The following UBXN6 variants were observed in gnomAD, a reference collection of about 807,000 sequenced individuals.
The protein encoded by UBXN6 is UBX domain-containing protein 6.
UBXN6 carries 44 observed loss-of-function variants against 51.4 expected under a neutral mutation model. The observed-to-expected ratio is 0.86, with a 90% CI of 0.67 to 1.10. The LOEUF is 1.10. UBXN6 is among the 50% of genes least tolerant of loss of function. UBXN6 has a pLI of 0.00. For synonymous variants in UBXN6, 316 were observed against 263.2 expected (o/e 1.20, Z -1.94); for missense variants, 672 against 596.1 (o/e 1.13, Z -1.32).
In UBXN6 at chr19:4,445,477, G is replaced by A. The variant is rs771796401; in HGVS notation, c.*21C>T. 1.9e-6 allele frequency: 3 copies of A among 1,613,630 alleles called. No homozygotes were observed. The highest frequency in any genetic ancestry group is 1.7e-6 in the Non-Finnish European group (2 of 1,179,888). On this transcript the variant is annotated 3_prime_UTR_variant, in exon 11 of 11. Transcript: ENST00000301281. ...GAGCATGAGACAGACCCACAGGGCTGAGGCCAACCCTGCTTTTATTTCACA... is the reference window on the plus strand; with the variant it reads ...GAGCATGAGACAGACCCACAGGGCTAAGGCCAACCCTGCTTTTATTTCACA...
rs1015398744 is a variant in UBXN6, at chr19:4,454,004, G to A, written c.173C>T (p.Ala58Val). The A allele has an allele frequency of 1.1e-5, 17 of 1,607,722 alleles. No individual in the cohort carries two copies. Among genetic ancestry groups the A allele is most frequent in the Non-Finnish European group, 1.4e-5 (17 of 1,178,586 alleles). ...PTNEAQMAAAAALARLEQKQS... is the reference protein window; with the variant it reads ...PTNEAQMAAAVALARLEQKQS... ...CTTCTGCTCCAGCCGGGCTAGGGCG[G>A]CAGCGGCTGCCATCTGTGCCTCATT... Residue 58 changes from alanine (A) to valine (V), a missense_variant, in exon 2 of 11, where the codon GCC becomes GTC. Physicochemically the swap from Ala to Val is moderately conservative, Grantham distance 64. Coordinates refer to ENST00000301281, the MANE Select transcript of UBXN6 (RefSeq NM_025241.3).
chr19:4,456,804 G>T (rs796466618), intron 1 of UBXN6, among the ~76,000 whole-genome samples: 7 of 152,234 alleles, frequency 4.6e-5, no homozygotes, highest in African/African-American at 1.7e-4. Context: ...AGCCTGCTAA[G>T]ACGCGTCTGT....
intron 7 of UBXN6, 38 bp from the exon 8 acceptor site, chr19:4,446,757 GA>G: frequency 1.9e-6 from 3 of 1,611,680 alleles, no homozygotes; most frequent in Non-Finnish European, 2.5e-6. Flanking sequence ...CTGTGCAATG[GA>G]GAGACCCCCA....
At chr19:4,451,785 G>A (rs969892606) in intron 4 of UBXN6, among the ~76,000 whole-genome samples, 2 of 151,502 alleles carry the variant, frequency 1.3e-5, no homozygotes, top group Non-Finnish European at 2.9e-5. Flanking sequence ...TTACAGGCAT[G>A]TGCCACCATG....
intron 8 of UBXN6, 34 bp from the exon 9 acceptor site, chr19:4,446,447 G>A (rs527573846): frequency 2.3e-5 from 37 of 1,580,890 alleles, no homozygotes; most frequent in African/African-American, 8.1e-5. Flanking sequence ...AGGGCTGGCC[G>A]GGGTTCTTCC....
rs534358767 is a variant in UBXN6 at position 4,447,485 on chromosome 19, C to T, written c.615+65G>A. 4.2e-5 allele frequency: 66 copies of T among 1,579,398 alleles called. No individual in the cohort carries two copies. The African/African-American group carries it at 5.9e-4, about 14-fold the overall frequency. ...CCCACCGCCTGGTGTGGGCCACCAC[C>T]GGCTCCTGCAGGCCAGCTGCCCCCA... On this transcript the variant is annotated intron_variant, in intron 6 of 10. Transcript: ENST00000301281.
chr19:4,448,171 G>A (rs868282699), intron 5 of UBXN6, 147 bp downstream of exon 5: 4 of 702,470 alleles, frequency 5.7e-6, no homozygotes, highest in Admixed American at 4.8e-5. Flanking sequence ...TGAGGCCTCT[G>A]GGTGGAGCTG....
In UBXN6 at chr19:4,454,067, T is replaced by C. The variant is rs200880137; in HGVS notation, c.110A>G (p.Asn37Ser). The change falls in exon 2 of 11, where the codon AAC becomes AGC. Residue 37 changes from asparagine (N) to serine (S), a missense_variant. Asn to Ser is a conservative substitution (Grantham distance 46). Coordinates refer to ENST00000301281, the MANE Select transcript of UBXN6 (RefSeq NM_025241.3). ...VGEKAHKEKPNQPAPRPPRQG... is the reference protein window; with the variant it reads ...VGEKAHKEKPSQPAPRPPRQG... ...GCGGGGCGGCCTGGGGGCTGGCTGG[T>C]TGGGCTTCTCTTTGTGGGCCTTTTC... 1.8e-5 allele frequency: 29 copies of C among 1,572,472 alleles called. No individual in the cohort carries two copies. In the East Asian group the frequency reaches 6.5e-4, roughly 35 times the overall value.
Position 4,445,507 on chromosome 19 carries a change from C to A in UBXN6, c.1317G>T (p.Lys439Asn), listed in dbSNP as rs1230563945. The change falls in exon 11 of 11, where the codon AAG becomes AAT. Residue 439 changes from lysine (K) to asparagine (N), a missense_variant. Transcript: ENST00000301281. ...CAACCCTGCTTTTATTTCACAAGAG[C>A]TTCTCGATGGCTGACAGGAGCTCGG... Reference protein sequence around the residue: ...LKPELLSAIEKLL With the variant: ...LKPELLSAIENLL The A allele has an allele frequency of 6.2e-7, 1 of 1,613,940 alleles. No individual in the cohort carries two copies. Among genetic ancestry groups the A allele is most frequent in the Non-Finnish European group, 8.5e-7 (1 of 1,179,992 alleles).
intron 1 of UBXN6, among the ~76,000 whole-genome samples, 193 bp from the exon 2 acceptor site, chr19:4,454,286 C>T (rs576564069): frequency 6.6e-6 from 1 of 152,330 alleles, no homozygotes; most frequent in Non-Finnish European, 1.5e-5. Context: ...GGCGGAAGAG[C>T]CCCTGGAGGA....
chr19:4,452,033 C>T (rs1974661425), intron 4 of UBXN6, among the ~76,000 whole-genome samples: 1 of 150,752 alleles, frequency 6.6e-6, no homozygotes, highest in African/African-American at 2.4e-5. Flanking sequence ...CCTGTAATCC[C>T]AGCTACTTGA....
chr19:4,447,191 G>A (rs1265778931), intron 6 of UBXN6: 11 of 583,756 alleles, frequency 1.9e-5, no homozygotes, highest in African/African-American at 5.6e-5. Flanking sequence ...GGCCTGATGC[G>A]AGGCTAACAC....
intron 3 of UBXN6, 150 bp from the exon 4 acceptor site, chr19:4,452,642 G>T: frequency 8.8e-7 from 1 of 1,139,564 alleles, no homozygotes; most frequent in Non-Finnish European, 1.2e-6. Context: ...GAGACACCCT[G>T]GCCAAGTGAC....
At position 4,445,347 on chromosome 19, in the gene UBXN6, A is replaced by G; in HGVS notation, c.*151T>C. On this transcript the variant is annotated 3_prime_UTR_variant, in exon 11 of 11. Transcript: ENST00000301281. ...GATGGGGGCTCTGCCACGGGGCCCA[A>G]TTCCACAGCTCCACGGCTGGCGCCC... The G allele has an allele frequency of 5.9e-6, 8 of 1,365,366 alleles. No individual in the cohort carries two copies. Among genetic ancestry groups the G allele is most frequent in the South Asian group, 1.4e-5 (1 of 72,678 alleles). 84.6% of individuals were successfully genotyped at this position (1,365,366 alleles called of 1,614,324 possible).
At chr19:4,447,403 C>T (rs917152851) in intron 6 of UBXN6, 147 bp downstream of exon 6, 8 of 803,412 alleles carry the variant, frequency 1.0e-5, no homozygotes, top group East Asian at 2.6e-5. Context: ...CTGCTACCTT[C>T]TACTGGCCGA....
intron 10 of UBXN6, 108 bp downstream of exon 10, chr19:4,445,941 C>T (rs1171744996): frequency 1.0e-5 from 15 of 1,478,326 alleles, no homozygotes; most frequent in Non-Finnish European, 1.2e-5. Context: ...CCTGCCCAGG[C>T]CCCCTGCTCT....
rs180916285 is a variant in UBXN6 at position 4,455,417 on chromosome 19, G to A, written c.84-1324C>T. On this transcript the variant is annotated intron_variant, in intron 1 of 10. Transcript: ENST00000301281. Reference sequence around the variant, plus strand: ...GAGATGACTCATGAAGACCCACCCCGGCCTCATCCGATATCTGGGTCTTTC... The same window carrying A: ...GAGATGACTCATGAAGACCCACCCCAGCCTCATCCGATATCTGGGTCTTTC... 7.1e-4 allele frequency: 291 copies of A among 412,176 alleles called. 1 individual carries two copies. The highest frequency in any genetic ancestry group is 6.1e-3 in the African/African-American group (280 of 45,952). 25.5% of individuals were successfully genotyped at this position (412,176 alleles called of 1,614,324 possible). A position where few individuals can be genotyped will look rare whatever the true frequency, so the allele number is the denominator to read the frequency against.
At chr19:4,448,967 C>G (rs932430303) in intron 4 of UBXN6, 1 of 154,784 alleles carries the variant, frequency 6.5e-6, no homozygotes, top group Non-Finnish European at 1.4e-5. Context: ...AGCTGGAAGA[C>G]GGATACCCCC....
rs1974479709 is a variant in UBXN6 at position 4,445,211 on chromosome 19, T to C, written c.*287A>G. The C allele has an allele frequency of 1.3e-5, 5 of 397,990 alleles. No homozygotes were observed. The highest frequency in any genetic ancestry group is 9.8e-5 in the South Asian group (4 of 40,950). The allele number at this position is 397,990 out of a possible 1,614,324, so 24.7% of individuals were successfully genotyped here. A position where few individuals can be genotyped will look rare whatever the true frequency, so the allele number is the denominator to read the frequency against. On this transcript the variant is annotated 3_prime_UTR_variant, in exon 11 of 11. Transcript: ENST00000301281. ...TGCCCAGGGAGATGCCACGTGTGTC[T>C]GTCCGGCAGCTTCATGACACAGTTA...
Sources: gnomAD v4.1 joint callset for allele counts (sites outside exome capture counted in the v4.1 genomes callset) on GRCh38, gnomAD v4.1.1 for gene constraint, MANE v1.5 for transcripts, NCBI Gene and HGNC (gene_info 2026-07-23, HGNC 2026-07-21) for gene names.